ROBO1: variants seen among roughly 807,000 people sequenced by gnomAD.
ROBO1 encodes the protein roundabout guidance receptor 1, also known as roundabout homolog 1.
In ROBO1, 149 loss-of-function variants were observed where a neutral mutation model predicts 195.9. The ratio of observed to expected loss-of-function variants is 0.76; its 90% CI spans 0.67 to 0.87. ROBO1 has a LOEUF of 0.87. Ranked by LOEUF, ROBO1 falls within the 40% of genes least tolerant of loss-of-function variation. The probability of loss-of-function intolerance (pLI) is 0.00; values close to 1 mark genes in which losing one functional copy is unlikely to be tolerated. For synonymous variants in ROBO1, 816 were observed against 733.2 expected (o/e 1.11, Z -1.82); for missense variants, 1,933 against 2,068.3 (o/e 0.93, Z 1.27).
chr3:79,211,553 A>G (rs1190292572), intron 2 of ROBO1, among the ~76,000 whole-genome samples: 1 of 152,186 alleles, frequency 6.6e-6, no homozygotes, highest in African/African-American at 2.4e-5. Flanking sequence ...TTTTCTCTCA[A>G]ACTCTACTAA....
chr3:79,467,352 T>C (rs1203262606), intron 2 of ROBO1, among the ~76,000 whole-genome samples: 4 of 151,818 alleles, frequency 2.6e-5, no homozygotes, highest in South Asian at 2.1e-4. Context: ...TGGAGACCCA[T>C]AGCCCTAAAT....
chr3:78,800,270 C>G (rs1416556857), intron 4 of ROBO1, among the ~76,000 whole-genome samples: 1 of 152,046 alleles, frequency 6.6e-6, no homozygotes, highest in Non-Finnish European at 1.5e-5. Flanking sequence ...AACAAGATAA[C>G]TAAGGTATTT....
At position 79,334,903 on chromosome 3, in the gene ROBO1, T is replaced by A. The variant is rs925535784; in HGVS notation, c.89-209364A>T. ...GGCAGATCACCTGAGGCCAGGAGTT[T>A]GAGACCAGCCTGGCCAATGTGGTGA... On this transcript the variant is annotated intron_variant, in intron 2 of 30. Coordinates refer to ENST00000464233, the MANE Select transcript of ROBO1 (RefSeq NM_002941.4). Among the ~76,000 whole-genome samples the A allele has an allele frequency of 2.0e-5, 3 of 151,980 alleles. No individual in the cohort carries two copies. In the East Asian group the frequency reaches 5.8e-4, roughly 29 times the overall value.
intron 2 of ROBO1, among the ~76,000 whole-genome samples, chr3:79,242,697 C>T (rs2082542661): frequency 6.6e-6 from 1 of 152,074 alleles, no homozygotes; most frequent in African/African-American, 2.4e-5. Context: ...TGATTGATAA[C>T]CTGAAGCTGG....
chr3:79,486,232 ATTAT>A (rs1327968404), intron 2 of ROBO1, among the ~76,000 whole-genome samples: 1 of 151,848 alleles, frequency 6.6e-6, no homozygotes. Context: ...TTTATATTGT[ATTAT>A]TTTTTATAGT....
chr3:78,667,139 G>T (rs991271960), intron 14 of ROBO1, among the ~76,000 whole-genome samples: 7 of 151,976 alleles, frequency 4.6e-5, no homozygotes, highest in African/African-American at 1.7e-4. Context: ...AGAAGGTTGT[G>T]AGTACTGAAC....
At chr3:78,873,690 G>A (rs1476428944) in intron 4 of ROBO1, among the ~76,000 whole-genome samples, 1 of 152,038 alleles carries the variant, frequency 6.6e-6, no homozygotes, top group Non-Finnish European at 1.5e-5. Flanking sequence ...ATATTCCTGA[G>A]CGAGGTTAGG....
intron 8 of ROBO1, among the ~76,000 whole-genome samples, chr3:78,704,125 C>T (rs1200022518): frequency 6.6e-6 from 1 of 152,152 alleles, no homozygotes; most frequent in East Asian, 1.9e-4. Flanking sequence ...AAAAAGGTCC[C>T]TTGACACTAT....
chr3:78,927,229 G>A (rs534268870), intron 4 of ROBO1, among the ~76,000 whole-genome samples: 1 of 152,112 alleles, frequency 6.6e-6, no homozygotes, highest in African/African-American at 2.4e-5. Flanking sequence ...ATATAGGACA[G>A]AACAAAACAT....
chr3:78,869,944 A>G (rs2107130315), intron 4 of ROBO1, among the ~76,000 whole-genome samples: 1 of 152,274 alleles, frequency 6.6e-6, no homozygotes, highest in Non-Finnish European at 1.5e-5. Context: ...TTTCACCTCA[A>G]ATTCTTCCTT....
intron 3 of ROBO1, among the ~76,000 whole-genome samples, chr3:78,956,846 C>T (rs571306915): frequency 6.6e-6 from 1 of 152,240 alleles, no homozygotes; most frequent in African/African-American, 2.4e-5. Context: ...GGAAGCTCTC[C>T]TTAAATTTAA....
chr3:79,348,024 C>T (rs1229430075), intron 2 of ROBO1, among the ~76,000 whole-genome samples: 1 of 151,802 alleles, frequency 6.6e-6, no homozygotes, highest in Non-Finnish European at 1.5e-5. Flanking sequence ...TGAGCTTGAC[C>T]AACATGGTGA....
chr3:78,924,894 G>A lies in ROBO1; in HGVS notation c.499+13707C>T, dbSNP rs146029836. Among the ~76,000 whole-genome samples, 1,298 of 151,838 alleles carry A rather than the reference G, an allele frequency of 8.5e-3. 20 individuals are homozygous for A. The highest frequency in any genetic ancestry group is 0.03 in the African/African-American group (1,232 of 41,432). ...CTGTAAATTGTTTTACATTTACATG[G>A]AAATATTTATATTTTAAAATACTTA... On this transcript the variant is annotated intron_variant, in intron 4 of 30. Transcript: ENST00000464233.
chr3:78,659,609 T>C (rs1707250839), intron 17 of ROBO1, 77 bp downstream of exon 17: 2 of 1,153,584 alleles, frequency 1.7e-6, no homozygotes, highest in South Asian at 3.1e-5. Flanking sequence ...CATAAACAAA[T>C]ACCAGCCTGC....
intron 3 of ROBO1, among the ~76,000 whole-genome samples, chr3:78,984,768 A>G (rs1183788145): frequency 6.6e-6 from 1 of 152,068 alleles, no homozygotes; most frequent in East Asian, 1.9e-4. Flanking sequence ...AAACAAAGTG[A>G]TGGCATTAGC....
intron 1 of ROBO1, among the ~76,000 whole-genome samples, chr3:79,604,580 T>C (rs966340713): frequency 2.0e-5 from 3 of 151,984 alleles, no homozygotes; most frequent in African/African-American, 7.2e-5. Context: ...AAGTTACATT[T>C]CAAATACATA....
chr3:79,632,430 A>G (rs999514823), intron 1 of ROBO1, among the ~76,000 whole-genome samples: 6 of 152,178 alleles, frequency 3.9e-5, no homozygotes, highest in African/African-American at 1.4e-4. Flanking sequence ...AACAACTGGT[A>G]CACATCGACA....
At chr3:78,743,262 CGGCTCTTGTCAAGGTCATTT>C (rs2082575701) in intron 5 of ROBO1, among the ~76,000 whole-genome samples, 2 of 151,942 alleles carry the variant, frequency 1.3e-5, no homozygotes, top group Admixed American at 1.3e-4. Flanking sequence ...TCCCCTGAAA[CGGCTCTTGTCAAGGTCATTT>C]ATGACTGCTT....
At chr3:79,632,263 G>C (rs1047331446) in intron 1 of ROBO1, among the ~76,000 whole-genome samples, 22 of 152,218 alleles carry the variant, frequency 1.4e-4, no homozygotes, top group African/African-American at 5.3e-4. Context: ...GGAAAAAGAA[G>C]TGTGGACTCT....
Sources: allele counts gnomAD v4.1 joint callset (sites outside exome capture counted in the v4.1 genomes callset), GRCh38; gene constraint gnomAD v4.1.1; transcripts MANE v1.5; gene names NCBI Gene and HGNC (gene_info 2026-07-23, HGNC 2026-07-21).